TBC1D9: variants seen among roughly 807,000 people sequenced by gnomAD.
TBC1D9 encodes TBC1 domain family member 9A.
A neutral mutation model predicts 132.0 loss-of-function variants in TBC1D9; 63 were observed. The ratio of observed to expected loss-of-function variants is 0.48; its 90% CI spans 0.39 to 0.59. The LOEUF is 0.59. Among genes scored for constraint, TBC1D9 ranks in the 20% least tolerant of loss-of-function variants. The probability of loss-of-function intolerance (pLI) is 0.00; values close to 1 mark genes in which losing one functional copy is unlikely to be tolerated. For synonymous variants in TBC1D9, 610 were observed against 609.9 expected, an observed-to-expected ratio of 1.00 and a Z score of 0.00; for missense variants, 1,261 against 1,592.7, an observed-to-expected ratio of 0.79 and a Z score of 3.54.
chr4:140,644,454 G>A, intron 13 of TBC1D9: 1 of 295,948 alleles, frequency 3.4e-6, no homozygotes, highest in Middle Eastern at 1.2e-3. Context: ...CGATGGCGGC[G>A]GGCTCACCGC....
chr4:140,693,465 G>A (rs1037895141), intron 2 of TBC1D9, among the ~76,000 whole-genome samples: 2 of 152,184 alleles, frequency 1.3e-5, no homozygotes, highest in African/African-American at 4.8e-5. Context: ...CTCTGGGGCC[G>A]TGGGTAAATT....
chr4:140,691,941 G>C (rs1359503362), intron 2 of TBC1D9, among the ~76,000 whole-genome samples: 1 of 152,128 alleles, frequency 6.6e-6, no homozygotes, highest in Non-Finnish European at 1.5e-5. Flanking sequence ...ATCACTTCTG[G>C]CCTCTGAGGA....
chr4:140,751,995 A>G (rs1738931699), intron 1 of TBC1D9, among the ~76,000 whole-genome samples: 1 of 152,212 alleles, frequency 6.6e-6, no homozygotes, highest in African/African-American at 2.4e-5. Context: ...ATATTGGTAC[A>G]ACTACTTTGG....
intron 13 of TBC1D9, chr4:140,643,539 TCA>T (rs1220800297): frequency 1.1e-6 from 1 of 877,084 alleles, no homozygotes; most frequent in African/African-American, 1.6e-5. Context: ...GGCGGGCACG[TCA>T]CAGTCTGACA....
intron 8 of TBC1D9, 25 bp downstream of exon 8, chr4:140,669,609 T>G: frequency 6.3e-7 from 1 of 1,590,836 alleles, no homozygotes; most frequent in Non-Finnish European, 8.6e-7. Context: ...CTACAAAGTT[T>G]CAGGGAAAAG....
chr4:140,751,288 G>A (rs867665760), intron 1 of TBC1D9, among the ~76,000 whole-genome samples: 5 of 152,094 alleles, frequency 3.3e-5, no homozygotes, highest in South Asian at 2.1e-4. Context: ...ACACACATAC[G>A]GGTACTTGAT....
intron 16 of TBC1D9, among the ~76,000 whole-genome samples, chr4:140,631,939 T>TGCTTGACTTTCCCATCTCC (rs1305614688): frequency 6.6e-6 from 1 of 152,216 alleles, no homozygotes; most frequent in East Asian, 1.9e-4. Context: ...TTCTCATTTC[T>TGCTTGACTTTCCCATCTCC]GCTTGACTTT....
In TBC1D9 at chr4:140,673,797, A is replaced by C. The variant is rs370390287; in HGVS notation, c.1060-2871T>G. The stretch of plus-strand genomic sequence containing the variant: ...CTACTAGAGAAAACTAGCAAGCAGA[A>C]TAGAGGTTGAGAATATTAATCACCA... On this transcript the variant is annotated intron_variant, in intron 6 of 20. Coordinates refer to ENST00000442267, the MANE Select transcript of TBC1D9 (RefSeq NM_015130.3). 5.1e-4 allele frequency among the ~76,000 whole-genome samples: 77 copies of C among 152,312 alleles called. No homozygotes were observed. In the South Asian group the frequency reaches 0.016, roughly 31 times the overall value.
intron 1 of TBC1D9, among the ~76,000 whole-genome samples, chr4:140,704,324 C>T (rs1157339920): frequency 6.6e-6 from 1 of 151,554 alleles, no homozygotes; most frequent in Non-Finnish European, 1.5e-5. Flanking sequence ...CTGCTTAAAC[C>T]TGGGAGGCGC....
chr4:140,646,317 C>T (rs973359327), intron 13 of TBC1D9, among the ~76,000 whole-genome samples: 1 of 152,218 alleles, frequency 6.6e-6, no homozygotes, highest in Non-Finnish European at 1.5e-5. Flanking sequence ...TAGCTCCATC[C>T]CGGGGAAACT....
intron 15 of TBC1D9, among the ~76,000 whole-genome samples, chr4:140,638,607 A>G (rs1736916364): frequency 6.6e-6 from 1 of 151,986 alleles, no homozygotes; most frequent in African/African-American, 2.4e-5. Flanking sequence ...TGAGAGCAAG[A>G]CTCCGTCTCA....
At chr4:140,716,578 T>C (rs983774410) in intron 1 of TBC1D9, among the ~76,000 whole-genome samples, 7 of 152,258 alleles carry the variant, frequency 4.6e-5, no homozygotes, top group African/African-American at 1.7e-4. Context: ...GGGCCCTTCT[T>C]TGCAAAGTAA....
intron 3 of TBC1D9, among the ~76,000 whole-genome samples, chr4:140,685,620 G>A (rs1375252697): frequency 2.0e-5 from 3 of 152,030 alleles, no homozygotes; most frequent in Admixed American, 6.6e-5. Context: ...GGCTATAAAG[G>A]GCATTAAGTC....
At chr4:140,723,840 G>T (rs778010894) in intron 1 of TBC1D9, among the ~76,000 whole-genome samples, 2 of 151,820 alleles carry the variant, frequency 1.3e-5, no homozygotes, top group South Asian at 2.1e-4. Flanking sequence ...TCAGACTCCT[G>T]GGTTCAAATG....
At chr4:140,666,581 G>A (rs1242873953) in intron 9 of TBC1D9, among the ~76,000 whole-genome samples, 6 of 151,262 alleles carry the variant, frequency 4.0e-5, no homozygotes, top group Non-Finnish European at 5.9e-5. Context: ...CTCGTGATCC[G>A]CCCACCTCGG....
intron 1 of TBC1D9, among the ~76,000 whole-genome samples, chr4:140,703,490 TGTGGA>T (rs148139040): frequency 0.022 from 3,293 of 152,232 alleles, 74 homozygotes; most frequent in Admixed American, 0.06. Context: ...TAACCATTTC[TGTGGA>T]GTGGGACAGG....
intron 1 of TBC1D9, among the ~76,000 whole-genome samples, chr4:140,725,732 G>A (rs764472772): frequency 2.8e-4 from 42 of 152,020 alleles, no homozygotes; most frequent in Non-Finnish European, 5.7e-4. Flanking sequence ...GGTTGGGCAC[G>A]GCAATTGTTC....
intron 1 of TBC1D9, among the ~76,000 whole-genome samples, chr4:140,723,410 T>A (rs1477422059): frequency 6.6e-6 from 1 of 152,242 alleles, no homozygotes; most frequent in Admixed American, 6.5e-5. Flanking sequence ...CTGGGCTCAC[T>A]GAAACCTCCG....
intron 3 of TBC1D9, among the ~76,000 whole-genome samples, chr4:140,680,736 T>C (rs1311085565): frequency 6.6e-6 from 1 of 152,170 alleles, no homozygotes; most frequent in African/African-American, 2.4e-5. Flanking sequence ...CAGATTCTCA[T>C]TGACATGACT....
Sources: allele counts gnomAD v4.1 joint callset (sites outside exome capture counted in the v4.1 genomes callset), GRCh38; gene constraint gnomAD v4.1.1; transcripts MANE v1.5; gene names NCBI Gene and HGNC (gene_info 2026-07-23, HGNC 2026-07-21).